SECISBP2: variants seen among roughly 807,000 people sequenced by gnomAD.
SECISBP2 encodes selenocysteine insertion sequence-binding protein 2.
Under a neutral mutation model 98.2 loss-of-function variants are expected in SECISBP2, and 96 were observed. The ratio of observed to expected loss-of-function variants is 0.98; its 90% CI spans 0.83 to 1.16. SECISBP2 has a LOEUF of 1.16. SECISBP2 is among the 50% of genes most tolerant of loss of function. SECISBP2 has a pLI of 0.00. For missense variants in SECISBP2, 1,046 were observed against 1,022.9 expected (o/e 1.02, Z -0.31); for synonymous variants, 407 against 370.2 (o/e 1.10, Z -1.14).
At chr9:89,345,660 T>C (rs1261361272) in intron 10 of SECISBP2, among the ~76,000 whole-genome samples, 2 of 152,186 alleles carry the variant, frequency 1.3e-5, no homozygotes, top group East Asian at 3.8e-4. Context: ...TGTGAAGAGT[T>C]GCCTGGCAGT....
At chr9:89,321,692 T>C (rs902994997) in intron 2 of SECISBP2, among the ~76,000 whole-genome samples, 2 of 152,130 alleles carry the variant, frequency 1.3e-5, no homozygotes, top group African/African-American at 4.8e-5. Context: ...TTTTCTTAAC[T>C]CTTCTTTTTT....
chr9:89,321,885 C>T (rs1825870697), intron 2 of SECISBP2, among the ~76,000 whole-genome samples: 1 of 152,168 alleles, frequency 6.6e-6, no homozygotes, highest in South Asian at 2.1e-4. Flanking sequence ...TTAAAAATTG[C>T]ATTGCCATAG....
chr9:89,328,799 G>A lies in SECISBP2; in HGVS notation c.714G>A (p.Lys238=). 1.9e-6 allele frequency: 3 copies of A among 1,614,178 alleles called. No individual in the cohort carries two copies. The highest frequency in any genetic ancestry group is 2.2e-5 in the South Asian group (2 of 91,088). Reference sequence around the variant, plus strand: ...AGAACAATATGTCAGAGATACAGAAGCAACCCAAGTGGGGACCTGTCCACT... The same window carrying A: ...AGAACAATATGTCAGAGATACAGAAACAACCCAAGTGGGGACCTGTCCACT... ...GAENNMSEIQ[K]QPKWGPVHSV... The change falls in exon 5 of 17, where the codon AAG becomes AAA. Residue 238 remains lysine, a synonymous_variant. Transcript: ENST00000375807.
intron 2 of SECISBP2, among the ~76,000 whole-genome samples, chr9:89,321,067 G>A (rs1353835332): frequency 6.6e-6 from 1 of 152,192 alleles, no homozygotes; most frequent in African/African-American, 2.4e-5. Context: ...GACGAAAGTT[G>A]AAACACTACC....
chr9:89,358,589 C>T (rs2132105992), intron 16 of SECISBP2, 132 bp from the exon 17 acceptor site: 2 of 727,788 alleles, frequency 2.7e-6, no homozygotes, highest in East Asian at 2.7e-5. Context: ...GAATGTCTGC[C>T]AGGGCACCTC....
rs781729376 is a variant in SECISBP2, at chr9:89,325,902, A to AACCTATGATGAGAAAAAAACGTATG, written c.440_464dup (p.Gln156LeufsTer2). The stretch of plus-strand genomic sequence containing the variant: ...CTTTTTAATCTTTCCTGCAGAAGAA[A>AACCTATGATGAGAAAAAAACGTATG]ACCTATGATGAGAAAAAAACGTATG... On this transcript the variant is annotated frameshift_variant, in exon 4 of 17. Transcript: ENST00000375807. LOFTEE classifies it high-confidence loss of function. 1.2e-5 allele frequency: 19 copies of AACCTATGATGAGAAAAAAACGTATG among 1,614,010 alleles called. No individual in the cohort carries two copies. The highest frequency in any genetic ancestry group is 1.6e-5 in the Non-Finnish European group (19 of 1,180,024).
At chr9:89,335,052 A>G (rs1828403128) in intron 7 of SECISBP2, among the ~76,000 whole-genome samples, 1 of 152,100 alleles carries the variant, frequency 6.6e-6, no homozygotes, top group Non-Finnish European at 1.5e-5. Context: ...ATCTCTACTA[A>G]GAAATACAAA....
Position 89,319,709 on chromosome 9 carries a change from G to T in SECISBP2, c.94G>T (p.Val32Leu). 6.2e-7 allele frequency: 1 copy of T among 1,614,186 alleles called. No individual in the cohort carries two copies. Among genetic ancestry groups the T allele is most frequent in the Non-Finnish European group, 8.5e-7 (1 of 1,180,018 alleles). Residue 32 changes from valine (V) to leucine (L), a missense_variant, in exon 2 of 17, where the codon GTG (valine) becomes TTG (leucine). Coordinates refer to ENST00000375807, the MANE Select transcript of SECISBP2 (RefSeq NM_024077.5). ...PFVPRFAGLN[V>L]AWLESSEACV... Reference sequence around the variant, plus strand: ...TGTCCCCAGATTTGCCGGGCTCAATGTGGCATGGTTAGAGTCCTCAGAAGC... The same window carrying T: ...TGTCCCCAGATTTGCCGGGCTCAATTTGGCATGGTTAGAGTCCTCAGAAGC...
At chr9:89,364,040 T>C, downstream of SECISBP2, 1 of 1,609,196 alleles carries the variant, frequency 6.2e-7, no homozygotes, top group Non-Finnish European at 8.5e-7. Flanking sequence ...ACCTCTGCTG[T>C]CCCAGTTGGA....
At chr9:89,346,772 T>G (rs1299772634) in intron 10 of SECISBP2, 110 bp from the exon 11 acceptor site, 2 of 1,267,024 alleles carry the variant, frequency 1.6e-6, no homozygotes, top group Non-Finnish European at 2.3e-6. Context: ...GGGGGTGACT[T>G]GGCAAACTCC....
At chr9:89,341,295 A>G in intron 9 of SECISBP2, 52 bp from the exon 10 acceptor site, 1 of 1,544,374 alleles carries the variant, frequency 6.5e-7, no homozygotes, top group South Asian at 1.2e-5. Flanking sequence ...GTAAAAAGAA[A>G]AGCACAGTTT....
At chr9:89,334,393 A>G in intron 6 of SECISBP2, 129 bp from the exon 7 acceptor site, 7 of 882,590 alleles carry the variant, frequency 7.9e-6, no homozygotes, top group Non-Finnish European at 1.3e-5. Context: ...TTCCAAGAGG[A>G]TGTTTTAAAT....
chr9:89,365,007 G>C, the SECISBP2 span: 1 of 152,296 alleles, frequency 6.6e-6, no homozygotes, highest in Admixed American at 6.5e-5. Context: ...GGCCTTCCTT[G>C]CTCGTGAAGT....
intron 5 of SECISBP2, chr9:89,329,111 GTT>G: frequency 1.9e-6 from 1 of 516,692 alleles, no homozygotes; most frequent in Non-Finnish European, 3.4e-6. Flanking sequence ...TGTGCGTTTT[GTT>G]TTGTTTTGTT....
Position 89,319,641 on chromosome 9 carries a change from T to C in SECISBP2, c.37-11T>C. Reference sequence around the variant, plus strand: ...GAATGTTTGTGGCCAAAACCTCATATTTTTCCTCAGGGCATCAAGTTATCA... The same window carrying C: ...GAATGTTTGTGGCCAAAACCTCATACTTTTCCTCAGGGCATCAAGTTATCA... On this transcript the variant is annotated splice_polypyrimidine_tract_variant and intron_variant, in intron 1 of 16. Coordinates refer to ENST00000375807, the MANE Select transcript of SECISBP2 (RefSeq NM_024077.5). The C allele has an allele frequency of 6.2e-7, 1 of 1,613,878 alleles. No individual in the cohort carries two copies. Among genetic ancestry groups the C allele is most frequent in the Non-Finnish European group, 8.5e-7 (1 of 1,179,960 alleles).
rs1225271498 is a variant in SECISBP2 at position 89,339,847 on chromosome 9, G to T, written c.1213-17G>T. 1.9e-6 allele frequency: 3 copies of T among 1,583,620 alleles called. No individual in the cohort carries two copies. The African/African-American group carries it at 4.0e-5, about 21-fold the overall frequency. ...TTGCATTAACAAAAGAGCTAAAGGGGTGTGTGGTTTACTTAGGATGCCGAG... is the reference window on the plus strand; with the variant it reads ...TTGCATTAACAAAAGAGCTAAAGGGTTGTGTGGTTTACTTAGGATGCCGAG... On this transcript the variant is annotated splice_polypyrimidine_tract_variant and intron_variant, in intron 8 of 16. Transcript: ENST00000375807.
At chr9:89,361,109 T>A (rs80149586), downstream of SECISBP2, 4,506 of 152,296 alleles carry the variant, frequency 0.03, 75 homozygotes, top group African/African-American at 0.042. Flanking sequence ...GATGGTTCCG[T>A]GAGCAAGACT....
chr9:89,325,971 A>T lies in SECISBP2; in HGVS notation c.507A>T (p.Ser169=). 6.2e-7 allele frequency: 1 copy of T among 1,613,944 alleles called. No homozygotes were observed. Among genetic ancestry groups the T allele is most frequent in the Non-Finnish European group, 8.5e-7 (1 of 1,179,874 alleles). Residue 169 remains serine (S), a synonymous_variant, in exon 4 of 17, where the codon TCA becomes TCT. Coordinates refer to ENST00000375807, the MANE Select transcript of SECISBP2 (RefSeq NM_024077.5). ...FDSERADGTI[S]SEIKSARGSH... is the part of the protein sequence containing the mutation. ...GTGAAAGGGCTGATGGAACTATATC[A>T]TCTGAGATAAAATCAGCTAGAGGTT...
intron 5 of SECISBP2, chr9:89,329,901 T>C (rs756418973): frequency 6.6e-6 from 1 of 152,030 alleles, no homozygotes; most frequent in Non-Finnish European, 1.5e-5. Context: ...TTTTCCAATA[T>C]AGAAAAAAAA....
Sources: gnomAD v4.1 joint callset for allele counts (sites outside exome capture counted in the v4.1 genomes callset) on GRCh38, gnomAD v4.1.1 for gene constraint, MANE v1.5 for transcripts, NCBI Gene and HGNC (gene_info 2026-07-23, HGNC 2026-07-21) for gene names.